The following PDPK1 variants were observed in gnomAD, a reference collection of about 807,000 sequenced individuals.
PDPK1 encodes 3-phosphoinositide-dependent protein kinase 1.
In PDPK1, 7 loss-of-function variants were observed where a neutral mutation model predicts 39.8. The observed-to-expected ratio is 0.18, with a 90% CI of 0.10 to 0.33. The LOEUF is 0.33. PDPK1 is among the 10% of genes least tolerant of loss of function. The probability of loss-of-function intolerance (pLI) is 1.00; values close to 1 mark genes in which losing one functional copy is unlikely to be tolerated. For missense variants in PDPK1, 182 were observed against 384.7 expected (o/e 0.47, Z 4.41); for synonymous variants, 118 against 159.1 (o/e 0.74, Z 1.95).
At chr16:2,539,469 G>A (rs1234539421) in intron 1 of PDPK1, 1 of 152,108 alleles carries the variant, frequency 6.6e-6, no homozygotes, top group Non-Finnish European at 1.5e-5. Context: ...CTGAGGAAAG[G>A]TATGGGCCCT....
At chr16:2,541,020 G>A (rs1389942945) in intron 1 of PDPK1, among the ~76,000 whole-genome samples, 1 of 152,150 alleles carries the variant, frequency 6.6e-6, no homozygotes, top group Admixed American at 6.5e-5. Flanking sequence ...CTGGTGCATA[G>A]TGTGATGTAT....
intron 1 of PDPK1, among the ~76,000 whole-genome samples, chr16:2,542,497 C>T (rs950645623): frequency 4.3e-4 from 66 of 152,094 alleles, no homozygotes; most frequent in Non-Finnish European, 5.9e-5. Flanking sequence ...CAGGGACCCA[C>T]AGAATTGGGA....
intron 10 of PDPK1, among the ~76,000 whole-genome samples, chr16:2,585,391 T>C (rs1461527958): frequency 2.0e-5 from 3 of 152,122 alleles, no homozygotes; most frequent in Non-Finnish European, 2.9e-5. Flanking sequence ...TGGCAAACGG[T>C]GTCAAGCATG....
In PDPK1 at chr16:2,598,609, T is replaced by C. The variant is rs1017505744; in HGVS notation, c.*842T>C. On this transcript the variant is annotated 3_prime_UTR_variant, in exon 14 of 14. Coordinates refer to ENST00000342085, the MANE Select transcript of PDPK1 (RefSeq NM_002613.5). ...GCTGGCTCACTGCACGAGAGAGTCC[T>C]GCCCCGAGCCCTAGGTGGGGCCAGG... 9 of 233,292 alleles carry C rather than the reference T, an allele frequency of 3.9e-5. No homozygotes were observed. The highest frequency in any genetic ancestry group is 2.0e-4 in the African/African-American group (9 of 45,352). 14.5% of individuals were successfully genotyped at this position (233,292 alleles called of 1,614,324 possible). A position where few individuals can be genotyped will look rare whatever the true frequency, so the allele number is the denominator to read the frequency against.
At chr16:2,587,517 CT>C (rs1019675175) in intron 11 of PDPK1, among the ~76,000 whole-genome samples, 1 of 151,396 alleles carries the variant, frequency 6.6e-6, no homozygotes, top group African/African-American at 2.4e-5. Flanking sequence ...TATTTTGCAT[CT>C]TTTTTTTTGA....
At chr16:2,546,882 A>C (rs1204560571) in intron 1 of PDPK1, among the ~76,000 whole-genome samples, 3 of 151,518 alleles carry the variant, frequency 2.0e-5, no homozygotes, top group Non-Finnish European at 2.9e-5. Context: ...CCCAGCAGTG[A>C]GGATCTCAGC....
chr16:2,543,949 G>T (rs1421242632), intron 1 of PDPK1, among the ~76,000 whole-genome samples: 1 of 145,580 alleles, frequency 6.9e-6, no homozygotes, highest in Admixed American at 7.1e-5. Flanking sequence ...TGGCCAGGCT[G>T]GTCTCGAGCT....
rs553056589 is a variant in PDPK1 at position 2,602,879 on chromosome 16, C to T, written c.*5112C>T. ...GTTATTTGCTGGCTATTGTTGGCCT[C>T]TAGTTCAGTCTGTGTTATTTAAATT... On this transcript the variant is annotated 3_prime_UTR_variant, in exon 14 of 14. Transcript: ENST00000342085. 4.3e-6 allele frequency: 1 copy of T among 233,168 alleles called. No homozygotes were observed. Among genetic ancestry groups the T allele is most frequent in the Admixed American group, 5.6e-5 (1 of 17,776 alleles). The allele number at this position is 233,168 out of a possible 1,614,324, so 14.4% of individuals were successfully genotyped here.
chr16:2,560,643 GCCGTCCC>G (rs1246257409), intron 2 of PDPK1, among the ~76,000 whole-genome samples: 8 of 141,352 alleles, frequency 5.7e-5, no homozygotes, highest in African/African-American at 2.2e-4. Context: ...TGCTCCTCAG[GCCGTCCC>G]CCTGTGGGTG....
chr16:2,550,531 A>G (rs555066937), intron 1 of PDPK1: 63 of 64,756 alleles, frequency 9.7e-4, no homozygotes, highest in African/African-American at 3.9e-3. Flanking sequence ...TTGCAGAGAA[A>G]TCTTGTACTT....
At chr16:2,587,631 C>G (rs2066904520) in intron 11 of PDPK1, among the ~76,000 whole-genome samples, 1 of 152,222 alleles carries the variant, frequency 6.6e-6, no homozygotes, top group South Asian at 2.1e-4. Context: ...GCCTCAACCT[C>G]TCAAGTAGCC....
intron 10 of PDPK1, among the ~76,000 whole-genome samples, chr16:2,585,985 C>G (rs770689997): frequency 6.6e-6 from 1 of 152,208 alleles, no homozygotes; most frequent in African/African-American, 2.4e-5. Context: ...AGGTGGCTTC[C>G]CTTGCCCAGG....
In PDPK1 at chr16:2,601,213, C is replaced by A. The variant is rs761743692; in HGVS notation, c.*3446C>A. ...TCTCTCGACCTGATGTGTAGACGCT[C>A]ACTTCCAGTAGCAGAACCACCTTAG... On this transcript the variant is annotated 3_prime_UTR_variant, in exon 14 of 14. Coordinates refer to ENST00000342085, the MANE Select transcript of PDPK1 (RefSeq NM_002613.5). The A allele has an allele frequency of 8.1e-4, 190 of 233,942 alleles. 2 individuals are homozygous for A. Among genetic ancestry groups the A allele is most frequent in the Non-Finnish European group, 1.4e-3 (170 of 117,948 alleles). The allele number at this position is 233,942 out of a possible 1,614,324, so 14.5% of individuals were successfully genotyped here. A position where few individuals can be genotyped will look rare whatever the true frequency, so the allele number is the denominator to read the frequency against.
In PDPK1 at chr16:2,598,057, T is replaced by C. The variant is rs1237758688; in HGVS notation, c.*290T>C. 2 of 483,658 alleles carry C rather than the reference T, an allele frequency of 4.1e-6. No homozygotes were observed. Among genetic ancestry groups the C allele is most frequent in the Non-Finnish European group, 7.5e-6 (2 of 267,200 alleles). 30.0% of individuals were successfully genotyped at this position (483,658 alleles called of 1,614,324 possible). A position where few individuals can be genotyped will look rare whatever the true frequency, so the allele number is the denominator to read the frequency against. ...CCGTGGGGACCCAGCTCCATGCACG[T>C]CAACCCAGTCCCGCCCAGACTAGTG... On this transcript the variant is annotated 3_prime_UTR_variant, in exon 14 of 14. Coordinates refer to ENST00000342085, the MANE Select transcript of PDPK1 (RefSeq NM_002613.5).
At chr16:2,595,490 G>A (rs1362238075) in intron 11 of PDPK1, among the ~76,000 whole-genome samples, 3 of 152,196 alleles carry the variant, frequency 2.0e-5, no homozygotes, top group Non-Finnish European at 4.4e-5. Context: ...TCACCTGCCC[G>A]TTTCTACAGC....
intron 6 of PDPK1, chr16:2,576,796 C>T (rs1211686704): frequency 5.6e-6 from 1 of 178,750 alleles, no homozygotes; most frequent in Non-Finnish European, 1.2e-5. Flanking sequence ...AAAAGTCATT[C>T]ACTGAAGGGA....
At chr16:2,546,147 G>A (rs1437800230) in intron 1 of PDPK1, among the ~76,000 whole-genome samples, 1 of 151,988 alleles carries the variant, frequency 6.6e-6, no homozygotes, top group African/African-American at 2.4e-5. Flanking sequence ...GCAGTGGCGC[G>A]ATCTCGGCTC....
chr16:2,547,694 A>C (rs1425153062), intron 1 of PDPK1, among the ~76,000 whole-genome samples: 1 of 532 alleles, frequency 1.9e-3, no homozygotes, highest in Non-Finnish European at 4.0e-3. Flanking sequence ...GTTTAGGAAA[A>C]GTGGTTATGA....
At chr16:2,545,243 G>A (rs1026997963) in intron 1 of PDPK1, among the ~76,000 whole-genome samples, 2 of 151,880 alleles carry the variant, frequency 1.3e-5, no homozygotes, top group Non-Finnish European at 2.9e-5. Context: ...TTATTGTAAC[G>A]TGGCATTTTC....
Sources: allele counts gnomAD v4.1 joint callset (sites outside exome capture counted in the v4.1 genomes callset), GRCh38; gene constraint gnomAD v4.1.1; transcripts MANE v1.5; gene names NCBI Gene and HGNC (gene_info 2026-07-23, HGNC 2026-07-21).